Variants in GALNT10 observed in about 807,000 individuals in gnomAD.
The protein encoded by GALNT10 is GalNAc transferase 10.
GALNT10 carries 41 observed loss-of-function variants against 75.0 expected under a neutral mutation model. The ratio of observed to expected loss-of-function variants is 0.55; its 90% CI spans 0.43 to 0.71. The LOEUF is 0.71. Among genes scored for constraint, GALNT10 ranks in the 30% least tolerant of loss-of-function variants. The pLI is 0.00. For missense variants in GALNT10, 727 were observed against 818.5 expected, an observed-to-expected ratio of 0.89 and a Z score of 1.36; for synonymous variants, 302 against 313.0, an observed-to-expected ratio of 0.96 and a Z score of 0.37.
intron 10 of GALNT10, among the ~76,000 whole-genome samples, chr5:154,415,120 T>G (rs1216080836): frequency 1.3e-5 from 2 of 152,090 alleles, no homozygotes; most frequent in Non-Finnish European, 2.9e-5. Context: ...TGAAGCTCCG[T>G]CTCAAAAAAC....
At chr5:154,203,516 C>G (rs1775059983) in intron 1 of GALNT10, among the ~76,000 whole-genome samples, 1 of 151,382 alleles carries the variant, frequency 6.6e-6, no homozygotes, top group Admixed American at 6.6e-5. Flanking sequence ...CAGGGGTGAC[C>G]TAAGAATTTC....
At chr5:154,338,202 G>A in intron 4 of GALNT10, 1 of 760,012 alleles carries the variant, frequency 1.3e-6, no homozygotes, top group Admixed American at 1.7e-5. Context: ...ACTTTGTGTG[G>A]CCTTGCATTC....
chr5:154,247,927 A>G (rs1753455448), intron 1 of GALNT10, among the ~76,000 whole-genome samples: 1 of 145,310 alleles, frequency 6.9e-6, no homozygotes, highest in Admixed American at 7.0e-5. Flanking sequence ...TTGCCCATTC[A>G]GTATGATATT....
chr5:154,378,028 T>C (rs1174612429), intron 5 of GALNT10, among the ~76,000 whole-genome samples: 1 of 152,152 alleles, frequency 6.6e-6, no homozygotes, highest in Non-Finnish European at 1.5e-5. Context: ...ATGAGGGCAG[T>C]TTTCATAATC....
At chr5:154,368,745 G>A (rs968377222) in intron 4 of GALNT10, among the ~76,000 whole-genome samples, 9 of 152,156 alleles carry the variant, frequency 5.9e-5, no homozygotes, top group Non-Finnish European at 1.2e-4. Flanking sequence ...GCCAAAACCC[G>A]TCCTGATATA....
At chr5:154,233,620 C>A (rs369187846) in intron 1 of GALNT10, among the ~76,000 whole-genome samples, 6 of 152,288 alleles carry the variant, frequency 3.9e-5, no homozygotes, top group South Asian at 4.1e-4. Context: ...GAGCACCCCC[C>A]ACCAGCCGCC....
intron 1 of GALNT10, among the ~76,000 whole-genome samples, chr5:154,199,108 G>GT (rs1248126285): frequency 6.6e-6 from 1 of 152,218 alleles, no homozygotes. Context: ...TTGGTACTCA[G>GT]TAACTGCTGG....
chr5:154,333,533 A>G (rs1234970984), intron 4 of GALNT10, among the ~76,000 whole-genome samples: 1 of 152,206 alleles, frequency 6.6e-6, no homozygotes, highest in Non-Finnish European at 1.5e-5. Flanking sequence ...CTCAGTGTAC[A>G]TAGTGGTAAA....
At chr5:154,310,452 T>G (rs1472886512) in intron 3 of GALNT10, among the ~76,000 whole-genome samples, 1 of 143,572 alleles carries the variant, frequency 7.0e-6, no homozygotes, top group Non-Finnish European at 1.5e-5. Context: ...TTTTTTTTTT[T>G]GTTTGTTTGT....
At chr5:154,411,680 G>A (rs1056084834) in intron 9 of GALNT10, among the ~76,000 whole-genome samples, 4 of 152,222 alleles carry the variant, frequency 2.6e-5, no homozygotes, top group African/African-American at 9.7e-5. Context: ...CAGTTTGCAG[G>A]AGCACTGCTG....
At chr5:154,355,496 G>A (rs547909214) in intron 4 of GALNT10, among the ~76,000 whole-genome samples, 34 of 152,308 alleles carry the variant, frequency 2.2e-4, no homozygotes, top group African/African-American at 7.9e-4. Flanking sequence ...AGCTCAGGAG[G>A]GAGCCAAGGA....
intron 4 of GALNT10, among the ~76,000 whole-genome samples, chr5:154,358,595 C>T (rs1755333334): frequency 6.6e-6 from 1 of 152,146 alleles, no homozygotes; most frequent in Non-Finnish European, 1.5e-5. Context: ...CACATAGAGC[C>T]TCTCTCCCAC....
rs1258487078 is a variant in GALNT10 at position 154,277,575 on chromosome 5, T to C, written c.160-17241T>C. ...AATCCTGAGAAATCTTCCTAAACTC[T>C]AGAATGAAAGAAATTCAAATGCATT... is the stretch of plus-strand genomic sequence containing the variant. On this transcript the variant is annotated intron_variant, in intron 1 of 11. Transcript: ENST00000297107. Among the ~76,000 whole-genome samples, 8 of 152,102 alleles carry C rather than the reference T, an allele frequency of 5.3e-5. No individual in the cohort carries two copies. The East Asian group carries it at 1.2e-3, about 22-fold the overall frequency.
At chr5:154,307,007 G>C (rs1286760228) in intron 3 of GALNT10, among the ~76,000 whole-genome samples, 1 of 152,004 alleles carries the variant, frequency 6.6e-6, no homozygotes, top group African/African-American at 2.4e-5. Flanking sequence ...TAACCAGCTA[G>C]AAAAAGAGAA....
At chr5:154,230,206 C>G (rs1055547577) in intron 1 of GALNT10, among the ~76,000 whole-genome samples, 1 of 152,200 alleles carries the variant, frequency 6.6e-6, no homozygotes, top group Admixed American at 6.5e-5. Flanking sequence ...GAAACAGTCT[C>G]AGGTAGGTAC....
intron 1 of GALNT10, among the ~76,000 whole-genome samples, chr5:154,253,225 A>G (rs929220024): frequency 9.9e-5 from 15 of 151,816 alleles, no homozygotes; most frequent in East Asian, 3.9e-4. Context: ...TTCATTGTCT[A>G]TAGAAAGTCC....
At chr5:154,415,525 G>A (rs1756486311) in intron 10 of GALNT10, among the ~76,000 whole-genome samples, 1 of 152,072 alleles carries the variant, frequency 6.6e-6, no homozygotes, top group African/African-American at 2.4e-5. Context: ...TTTTAGTAGA[G>A]ACGGGGTTTC....
At chr5:154,262,240 G>C (rs1359286712) in intron 1 of GALNT10, among the ~76,000 whole-genome samples, 1 of 146,576 alleles carries the variant, frequency 6.8e-6, no homozygotes, top group African/African-American at 2.7e-5. Context: ...CAGACAGGTT[G>C]ATTTACCTGC....
chr5:154,310,566 C>T (rs1483093510), intron 3 of GALNT10, among the ~76,000 whole-genome samples: 1 of 151,970 alleles, frequency 6.6e-6, no homozygotes, highest in Non-Finnish European at 1.5e-5. Context: ...TTCCTGGGTT[C>T]AAGCAATTCT....
Sources: gnomAD v4.1 joint callset for allele counts (sites outside exome capture counted in the v4.1 genomes callset) on GRCh38, gnomAD v4.1.1 for gene constraint, MANE v1.5 for transcripts, NCBI Gene and HGNC (gene_info 2026-07-23, HGNC 2026-07-21) for gene names.